The following SOAT1 variants were observed in gnomAD, a reference collection of about 807,000 sequenced individuals.
SOAT1 encodes sterol O-acyltransferase 1, also known as acyl-coenzyme A:cholesterol acyltransferase 1.
SOAT1 carries 55 observed loss-of-function variants against 69.5 expected under a neutral mutation model. The observed-to-expected ratio is 0.79, with a 90% confidence interval of 0.64 to 0.99. The LOEUF is 0.99. SOAT1 is among the 50% of genes least tolerant of loss of function. The probability of loss-of-function intolerance (pLI) is 0.00; values close to 1 mark genes in which losing one functional copy is unlikely to be tolerated. For synonymous variants in SOAT1, 231 were observed against 224.7 expected (o/e 1.03, Z -0.25); for missense variants, 580 against 669.3 (o/e 0.87, Z 1.47).
intron 2 of SOAT1, 52 bp from the exon 3 acceptor site, chr1:179,323,385 A>T: frequency 1.4e-6 from 2 of 1,452,738 alleles, no homozygotes; most frequent in Non-Finnish European, 9.6e-7. Flanking sequence ...AGACAGTGCT[A>T]CTAGGTAGCT....
chr1:179,294,187 T>C (rs1664550363), intron 1 of SOAT1: 1 of 152,206 alleles, frequency 6.6e-6, no homozygotes, highest in African/African-American at 2.4e-5. Context: ...GCAAATCTCG[T>C]GGCATCTCTC....
chr1:179,340,003 G>A (rs181311540), intron 6 of SOAT1, among the ~76,000 whole-genome samples: 23 of 152,246 alleles, frequency 1.5e-4, no homozygotes, highest in East Asian at 1.3e-3. Context: ...TGGGTTCCAC[G>A]GGGCCAACTG....
At position 179,357,640 on chromosome 1, in the gene SOAT1, TC is replaced by T. The variant is rs1160526666; in HGVS notation, c.*4002del. 1.3e-5 allele frequency: 2 copies of T among 152,284 alleles called. No homozygotes were observed. Among genetic ancestry groups the T allele is most frequent in the African/African-American group, 4.8e-5 (2 of 41,472 alleles). 9.4% of individuals were successfully genotyped at this position (152,284 alleles called of 1,614,324 possible). ...TGGGTGTAGTGGCTCATGCCTTTAATCCCAGTACTTTGGGAGGCCAAGGCAG... is the reference window on the plus strand; with the variant it reads ...TGGGTGTAGTGGCTCATGCCTTTAATCCAGTACTTTGGGAGGCCAAGGCAG... On this transcript the variant is annotated 3_prime_UTR_variant, in exon 16 of 16. Transcript: ENST00000367619.
chr1:179,351,021 CTTTTTTTTTTTTTT>C lies in SOAT1; in HGVS notation c.1451-270_1451-257del, dbSNP rs201449849. Among the ~76,000 whole-genome samples, 215 of 127,414 alleles carry C rather than the reference CTTTTTTTTTTTTTT, an allele frequency of 1.7e-3. 8 individuals are homozygous for C. The highest frequency in any genetic ancestry group is 4.1e-3 in the Middle Eastern group (1 of 242). 83.6% of individuals were successfully genotyped at this position (127,414 alleles called of 152,430 possible). A position where few individuals can be genotyped will look rare whatever the true frequency, so the allele number is the denominator to read the frequency against. On this transcript the variant is annotated intron_variant, in intron 14 of 15. Coordinates refer to ENST00000367619, the MANE Select transcript of SOAT1 (RefSeq NM_003101.6). Reference sequence around the variant, plus strand: ...TGTTTTGATACCTGTATATTTCTTTCTTTTTTTTTTTTTTTTTTTTTTTTTTTTTTTTTTTTTTT... The same window carrying C: ...TGTTTTGATACCTGTATATTTCTTTCTTTTTTTTTTTTTTTTTTTTTTTTT...
Position 179,302,266 on chromosome 1 carries a change from C to T in SOAT1, c.-8-411C>T, listed in dbSNP as rs78852876. 7.1e-3 allele frequency among the ~76,000 whole-genome samples: 1,085 copies of T among 152,282 alleles called. 12 individuals are homozygous for T. The highest frequency in any genetic ancestry group is 0.024 in the African/African-American group (996 of 41,562). On this transcript the variant is annotated intron_variant, in intron 1 of 15. Transcript: ENST00000367619. ...AAATATAGTGGTATTGTGAAATTCACGTAAGCCAGATGCTTAGTTCAAAGC... is the reference window on the plus strand; with the variant it reads ...AAATATAGTGGTATTGTGAAATTCATGTAAGCCAGATGCTTAGTTCAAAGC...
intron 12 of SOAT1, 43 bp downstream of exon 12, chr1:179,347,740 ACTT>A (rs1281110044): frequency 1.8e-6 from 2 of 1,115,680 alleles, no homozygotes; most frequent in Admixed American, 2.1e-5. Flanking sequence ...CATTTTATTA[ACTT>A]CTTCATTATT....
In SOAT1 at chr1:179,347,682, C is replaced by T. The variant is rs1558058731; in HGVS notation, c.1200C>T (p.Asp400=). 1 of 1,609,584 alleles carries T rather than the reference C, an allele frequency of 6.2e-7. No individual in the cohort carries two copies. Among genetic ancestry groups the T allele is most frequent in the African/African-American group, 1.3e-5 (1 of 74,938 alleles). Residue 400 remains aspartate, a synonymous_variant, in exon 12 of 16, where the codon GAC becomes GAT. Coordinates refer to ENST00000367619, the MANE Select transcript of SOAT1 (RefSeq NM_003101.6). ...TTGCTGAGATGTTACGCTTTGGTGA[C>T]AGGATGTTCTATAAGGTAGTATATA... ...NAFAEMLRFG[D]RMFYKDWWNS...
chr1:179,331,879 A>T (rs1223484776), intron 3 of SOAT1, among the ~76,000 whole-genome samples: 1 of 152,174 alleles, frequency 6.6e-6, no homozygotes, highest in Admixed American at 6.5e-5. Flanking sequence ...AGATTAAAAG[A>T]TTCTCTGTGC....
Position 179,349,894 on chromosome 1 carries a change from C to T in SOAT1, c.1315-402C>T, listed in dbSNP as rs767738506. On this transcript the variant is annotated intron_variant, in intron 13 of 15. Transcript: ENST00000367619. ...TGTCATTCAAGTGTAGTTTCACATA[C>T]GGATAAGGCAAGTCCCTTTTCTCCT... Among the ~76,000 whole-genome samples, 87 of 152,226 alleles carry T rather than the reference C, an allele frequency of 5.7e-4. 1 individual carries two copies. Among genetic ancestry groups the T allele is most frequent in the Non-Finnish European group, 1.6e-4 (11 of 68,016 alleles).
chr1:179,330,101 C>T (rs894417121), intron 3 of SOAT1, among the ~76,000 whole-genome samples: 2 of 152,092 alleles, frequency 1.3e-5, no homozygotes, highest in Non-Finnish European at 2.9e-5. Flanking sequence ...GCAAAGCTAG[C>T]CAAGTGGAAG....
Position 179,323,433 on chromosome 1 carries a change from G to C in SOAT1, c.119-4G>C. 1 of 1,612,496 alleles carries C rather than the reference G, an allele frequency of 6.2e-7. No individual in the cohort carries two copies. The highest frequency in any genetic ancestry group is 1.3e-5 in the African/African-American group (1 of 74,932). ...TTAAAAGTCATGTTTTTTTCTTCCC[G>C]TAGGTCGAATTGACATAAAACAGTT... On this transcript the variant is annotated splice_region_variant and splice_polypyrimidine_tract_variant and intron_variant, in intron 2 of 15. Coordinates refer to ENST00000367619, the MANE Select transcript of SOAT1 (RefSeq NM_003101.6).
chr1:179,297,012 T>TG (rs140610583), intron 1 of SOAT1, among the ~76,000 whole-genome samples: 1,770 of 152,280 alleles, frequency 0.012, 45 homozygotes, highest in African/African-American at 0.04. Flanking sequence ...CTTTGTTACC[T>TG]GGGGGGGAAT....
rs933264104 is a variant in SOAT1, at chr1:179,317,405, C to T, written c.119-6032C>T. ...AAAATTAGCCGGGCGTGGTGGCGGG[C>T]GCCTGTAGTCCCAGCTACTTGGGAT... On this transcript the variant is annotated intron_variant, in intron 2 of 15. Transcript: ENST00000367619. Among the ~76,000 whole-genome samples, 7 of 151,980 alleles carry T rather than the reference C, an allele frequency of 4.6e-5. No individual in the cohort carries two copies. In the South Asian group the frequency reaches 6.2e-4, roughly 14 times the overall value.
intron 1 of SOAT1, among the ~76,000 whole-genome samples, chr1:179,300,430 C>T (rs1163701118): frequency 6.6e-6 from 1 of 152,158 alleles, no homozygotes; most frequent in East Asian, 1.9e-4. Flanking sequence ...CCTGACTTTT[C>T]CCTTAAGTTC....
intron 10 of SOAT1, among the ~76,000 whole-genome samples, chr1:179,343,984 G>A (rs1311662139): frequency 6.6e-6 from 1 of 152,108 alleles, no homozygotes; most frequent in Non-Finnish European, 1.5e-5. Flanking sequence ...AGCCTGGCGT[G>A]GAGGCACGTA....
At chr1:179,310,722 G>T (rs1298569151) in intron 2 of SOAT1, among the ~76,000 whole-genome samples, 4 of 152,074 alleles carry the variant, frequency 2.6e-5, no homozygotes, top group African/African-American at 9.7e-5. Context: ...TATAAGACAC[G>T]GTCAATGAGA....
chr1:179,316,530 G>A (rs1345148001), intron 2 of SOAT1, among the ~76,000 whole-genome samples: 6 of 152,150 alleles, frequency 3.9e-5, no homozygotes, highest in Admixed American at 3.9e-4. Context: ...TTGAGTAGCT[G>A]GGATTACAGG....
At chr1:179,335,434 C>A in intron 3 of SOAT1, 72 bp from the exon 4 acceptor site, 1 of 1,327,168 alleles carries the variant, frequency 7.5e-7, no homozygotes, top group Middle Eastern at 2.5e-4. Context: ...TTAAGGGAGC[C>A]CTTTAGAGAA....
chr1:179,302,477 T>G lies in SOAT1; in HGVS notation c.-8-200T>G, dbSNP rs567578346. Reference sequence around the variant, plus strand: ...TTTTAAATGTGGCACTTCCTTGCTCTGTCTCTCCTGCCGCCACGTAAGACA... The same window carrying G: ...TTTTAAATGTGGCACTTCCTTGCTCGGTCTCTCCTGCCGCCACGTAAGACA... On this transcript the variant is annotated intron_variant, in intron 1 of 15. Coordinates refer to ENST00000367619, the MANE Select transcript of SOAT1 (RefSeq NM_003101.6). Among the ~76,000 whole-genome samples the G allele has an allele frequency of 2.0e-5, 3 of 152,338 alleles. No individual in the cohort carries two copies. In the South Asian group the frequency reaches 6.2e-4, roughly 32 times the overall value.
Sources: gnomAD v4.1 joint callset for allele counts (sites outside exome capture counted in the v4.1 genomes callset) on GRCh38, gnomAD v4.1.1 for gene constraint, MANE v1.5 for transcripts, NCBI Gene and HGNC (gene_info 2026-07-23, HGNC 2026-07-21) for gene names.